PUS7: variants seen among roughly 807,000 people sequenced by gnomAD.
PUS7 encodes the protein pseudouridine synthase 7, also known as pseudouridylate synthase 7 homolog.
Under a neutral mutation model 79.8 loss-of-function variants are expected in PUS7, and 48 were observed. That is an observed-to-expected ratio of 0.60 (90% confidence interval 0.48 to 0.76). The LOEUF is 0.76. Among genes scored for constraint, PUS7 ranks in the 30% least tolerant of loss-of-function variants. The pLI, the probability that PUS7 is intolerant of heterozygous loss-of-function variation, is 0.00. For missense variants in PUS7, 729 were observed against 797.6 expected, an observed-to-expected ratio of 0.91 and a Z score of 1.04; for synonymous variants, 286 against 272.2, an observed-to-expected ratio of 1.05 and a Z score of -0.50.
intron 14 of PUS7, 69 bp from the exon 15 acceptor site, chr7:105,459,328 T>C: frequency 1.1e-6 from 1 of 937,886 alleles, no homozygotes; most frequent in Middle Eastern, 2.3e-4. Context: ...CCACTCATCA[T>C]CATTTATTTA....
rs1179865214 is a variant in PUS7 at position 105,457,702 on chromosome 7, T to C, written c.*88A>G. 8.0e-7 allele frequency: 1 copy of C among 1,255,430 alleles called. No individual in the cohort carries two copies. Among genetic ancestry groups the C allele is most frequent in the African/African-American group, 1.5e-5 (1 of 65,620 alleles). The allele number at this position is 1,255,430 out of a possible 1,614,324, so 77.8% of individuals were successfully genotyped here. A position where few individuals can be genotyped will look rare whatever the true frequency, so the allele number is the denominator to read the frequency against. On this transcript the variant is annotated 3_prime_UTR_variant, in exon 16 of 16. Transcript: ENST00000469408. ...TTTTATTACAAAGATTTGAAATCCA[T>C]ATATGAGTCTGAACTAAGACAAAAA...
intron 7 of PUS7, among the ~76,000 whole-genome samples, chr7:105,484,655 C>T (rs1824471286): frequency 6.6e-6 from 1 of 151,560 alleles, no homozygotes; most frequent in African/African-American, 2.4e-5. Flanking sequence ...CCCGTCTCTA[C>T]TAAAAATACA....
chr7:105,487,661 T>TA (rs1018693599), intron 7 of PUS7, among the ~76,000 whole-genome samples: 3 of 152,144 alleles, frequency 2.0e-5, no homozygotes, highest in Admixed American at 6.5e-5. Flanking sequence ...ATTCAGTGAG[T>TA]AACTAGGGAA....
In PUS7 at chr7:105,470,724, T is replaced by A; in HGVS notation, c.1362A>T (p.Lys454Asn). 1 of 1,609,636 alleles carries A rather than the reference T, an allele frequency of 6.2e-7. No homozygotes were observed. The highest frequency in any genetic ancestry group is 8.5e-7 in the Non-Finnish European group (1 of 1,176,694). Reference sequence around the variant, plus strand: ...CAGAGACTATATTCTTCATTCCATATTTTGAAAGTCCTCGAAGCAGCTGCC... The same window carrying A: ...CAGAGACTATATTCTTCATTCCATAATTTGAAAGTCCTCGAAGCAGCTGCC... ...VEGQLLRGLS[K>N]YGMKNIVSAF... The change falls in exon 11 of 16, where the codon AAA (lysine) becomes AAT (asparagine). Residue 454 changes from lysine (K) to asparagine (N), a missense_variant. Coordinates refer to ENST00000469408, the MANE Select transcript of PUS7 (RefSeq NM_019042.5).
chr7:105,482,208 C>G (rs1824351214), intron 8 of PUS7, 104 bp downstream of exon 8: 3 of 1,352,224 alleles, frequency 2.2e-6, no homozygotes, highest in Admixed American at 2.1e-5. Flanking sequence ...CACTCCTGTT[C>G]TGTTAGTACC....
intron 15 of PUS7, 149 bp from the exon 16 acceptor site, chr7:105,458,075 A>G (rs1007456087): frequency 3.5e-6 from 3 of 857,014 alleles, no homozygotes; most frequent in African/African-American, 1.7e-5. Context: ...AGACCATGGA[A>G]GTAAGAGATC....
At chr7:105,475,381 T>A (rs535559473) in intron 9 of PUS7, among the ~76,000 whole-genome samples, 1 of 152,112 alleles carries the variant, frequency 6.6e-6, no homozygotes, top group Non-Finnish European at 1.5e-5. Flanking sequence ...GAGATGGGGT[T>A]TCACTGTGTT....
intron 5 of PUS7, among the ~76,000 whole-genome samples, chr7:105,497,890 A>C (rs1434609870): frequency 6.6e-6 from 1 of 152,262 alleles, no homozygotes; most frequent in Non-Finnish European, 1.5e-5. Context: ...ATTTGACTGC[A>C]AGTTTGAAAA....
At chr7:105,495,976 A>G (rs993349921) in intron 5 of PUS7, among the ~76,000 whole-genome samples, 1 of 151,802 alleles carries the variant, frequency 6.6e-6, no homozygotes, top group African/African-American at 2.4e-5. Flanking sequence ...CCTGGCCAAC[A>G]TGGTGAAACC....
chr7:105,458,269 A>G (rs995686948), intron 15 of PUS7, among the ~76,000 whole-genome samples: 7 of 151,498 alleles, frequency 4.6e-5, no homozygotes, highest in African/African-American at 1.7e-4. Flanking sequence ...TAATTAATTA[A>G]TTTTTTTTTG....
intron 1 of PUS7, among the ~76,000 whole-genome samples, chr7:105,509,046 T>C (rs940425746): frequency 1.4e-5 from 2 of 146,670 alleles, no homozygotes; most frequent in African/African-American, 5.0e-5. Context: ...TAGCTGGGCG[T>C]GGTGGTAGGC....
At chr7:105,518,480 G>A (rs1447940059) in intron 1 of PUS7, among the ~76,000 whole-genome samples, 1 of 151,772 alleles carries the variant, frequency 6.6e-6, no homozygotes, top group Non-Finnish European at 1.5e-5. Context: ...TCAGTTCAAT[G>A]CAGCCTCGAC....
Position 105,507,981 on chromosome 7 carries a change from A to C in PUS7, c.398+134T>G, listed in dbSNP as rs112797953. The C allele has an allele frequency of 7.8e-4, 959 of 1,224,360 alleles. 8 individuals are homozygous for C. In the African/African-American group the frequency reaches 0.012, roughly 15 times the overall value. 75.8% of individuals were successfully genotyped at this position (1,224,360 alleles called of 1,614,324 possible). ...CTATTTATTCAGGCAGGTTTCCTTC[A>C]TCCTATTCCTTTTGATCAGTAGTAT... is the stretch of plus-strand genomic sequence containing the variant. On this transcript the variant is annotated intron_variant, in intron 2 of 15. Coordinates refer to ENST00000469408, the MANE Select transcript of PUS7 (RefSeq NM_019042.5).
chr7:105,497,753 T>C (rs528675957), intron 5 of PUS7, among the ~76,000 whole-genome samples: 2 of 152,296 alleles, frequency 1.3e-5, no homozygotes, highest in African/African-American at 2.4e-5. Context: ...AGCCATGCTA[T>C]GTAGAATTTC....
intron 5 of PUS7, chr7:105,496,894 C>T (rs149576562): frequency 1.2e-5 from 13 of 1,126,082 alleles, no homozygotes; most frequent in African/African-American, 3.2e-5. Flanking sequence ...CTATACTTAG[C>T]ACTTGTGACA....
At chr7:105,489,531 T>A (rs909964847) in intron 7 of PUS7, among the ~76,000 whole-genome samples, 1 of 152,138 alleles carries the variant, frequency 6.6e-6, no homozygotes. Flanking sequence ...GGCCACCAGA[T>A]AGGAACACCA....
At chr7:105,460,316 C>T (rs1823369644) in intron 14 of PUS7, among the ~76,000 whole-genome samples, 1 of 152,130 alleles carries the variant, frequency 6.6e-6, no homozygotes, top group Non-Finnish European at 1.5e-5. Context: ...ACGGCATTTA[C>T]ATTTTCTCCA....
chr7:105,498,255 A>T (rs1825114389), intron 5 of PUS7, among the ~76,000 whole-genome samples: 1 of 152,244 alleles, frequency 6.6e-6, no homozygotes, highest in South Asian at 2.1e-4. Flanking sequence ...TAAATAACAG[A>T]AAATCAATGA....
chr7:105,482,879 T>C (rs1316472325), intron 7 of PUS7, among the ~76,000 whole-genome samples: 1 of 152,080 alleles, frequency 6.6e-6, no homozygotes, highest in Non-Finnish European at 1.5e-5. Flanking sequence ...TACAGAAAAC[T>C]TGGAAAATAT....
Sources: allele counts gnomAD v4.1 joint callset (sites outside exome capture counted in the v4.1 genomes callset), GRCh38; gene constraint gnomAD v4.1.1; transcripts MANE v1.5; gene names NCBI Gene and HGNC (gene_info 2026-07-23, HGNC 2026-07-21).